DIAPH2: variants seen among roughly 807,000 people sequenced by gnomAD.
DIAPH2 encodes protein diaphanous homolog 2.
DIAPH2 carries 35 observed loss-of-function variants against 92.7 expected under a neutral mutation model. That is an observed-to-expected ratio of 0.38 (90% confidence interval 0.29 to 0.50). The LOEUF is 0.50. Among genes scored for constraint, DIAPH2 ranks in the 20% least tolerant of loss-of-function variants. The pLI is 0.94. For synonymous variants in DIAPH2, 301 were observed against 280.4 expected, an observed-to-expected ratio of 1.07 and a Z score of -0.73; for missense variants, 701 against 819.5, an observed-to-expected ratio of 0.86 and a Z score of 1.77.
chrX:97,568,115 CAAAAAAAAAA>C (rs59273565), intron 26 of DIAPH2, among the ~76,000 whole-genome samples: 15 of 30,100 alleles, frequency 5.0e-4, no homozygotes, highest in African/African-American at 2.3e-3. Context: ...GACTCCATCT[CAAAAAAAAAA>C]AAAAAAAAAA....
intron 23 of DIAPH2, among the ~76,000 whole-genome samples, chrX:97,304,270 A>G (rs755479608): frequency 1.9e-4 from 21 of 112,272 alleles, no homozygotes; most frequent in African/African-American, 6.1e-4. Flanking sequence ...AACACTGTCC[A>G]AGCATTGTCA....
intron 21 of DIAPH2, among the ~76,000 whole-genome samples, chrX:97,135,414 G>T (rs2067163787): frequency 9.0e-6 from 1 of 110,757 alleles, no homozygotes; most frequent in African/African-American, 3.3e-5. Context: ...CACCATGTTG[G>T]CCAGGCTGGT....
chrX:97,338,154 G>C (rs1297522776), intron 23 of DIAPH2, among the ~76,000 whole-genome samples: 2 of 110,918 alleles, frequency 1.8e-5, no homozygotes, highest in Non-Finnish European at 3.8e-5. Context: ...TTATAAGCGT[G>C]AGCCACCGTA....
At position 96,685,112 on chromosome X, in the gene DIAPH2, C is replaced by G; in HGVS notation, c.54C>G (p.Pro18=). ...GAGCGGGAGGCGGCAGCGAGGAACC[C>G]GGTGGGGGCCGGAGCAACAAGCGGA... ...ASGAGGGSEE[P]GGGRSNKRSA... is the part of the protein sequence containing the mutation. Residue 18 remains proline, a synonymous_variant, in exon 1 of 27, where the codon CCC becomes CCG. Transcript: ENST00000324765. 9.9e-7 allele frequency: 1 copy of G among 1,013,102 alleles called. No individual in the cohort carries two copies. The highest frequency in any genetic ancestry group is 1.3e-6 in the Non-Finnish European group (1 of 793,564). The allele number at this position is 1,013,102 out of a possible 1,213,427, so 83.5% of individuals were successfully genotyped here.
intron 17 of DIAPH2, among the ~76,000 whole-genome samples, chrX:97,024,318 G>A (rs1323366748): frequency 8.9e-6 from 1 of 112,284 alleles, no homozygotes; most frequent in Non-Finnish European, 1.9e-5. Context: ...GAGAAATTCT[G>A]TGAGATCCCT....
Position 96,836,335 on chromosome X carries a change from CT to C in DIAPH2, c.448-45243del, listed in dbSNP as rs201289650. Among the ~76,000 whole-genome samples, 265 of 109,331 alleles carry C rather than the reference CT, an allele frequency of 2.4e-3. 4 individuals carry two copies. The East Asian group carries it at 0.065, about 27-fold the overall frequency. 94.9% of individuals were successfully genotyped at this position (109,331 alleles called of 115,157 possible). ...TAATGATTTAGAGAACTTTTGTTAT[CT>C]AGAGTTTAAGGTACTCATAAAATGC... On this transcript the variant is annotated intron_variant, in intron 4 of 26. Coordinates refer to ENST00000324765, the MANE Select transcript of DIAPH2 (RefSeq NM_006729.5).
rs750238346 is a variant in DIAPH2, at chrX:97,495,343, G to T, written c.3241+65598G>T. Reference sequence around the variant, plus strand: ...GAACTTTCTATTTCACCATTTTGATGATATCAGCAAGCTATTATTTAAATG... The same window carrying T: ...GAACTTTCTATTTCACCATTTTGATTATATCAGCAAGCTATTATTTAAATG... On this transcript the variant is annotated intron_variant, in intron 26 of 26. Coordinates refer to ENST00000324765, the MANE Select transcript of DIAPH2 (RefSeq NM_006729.5). Among the ~76,000 whole-genome samples the T allele has an allele frequency of 8.0e-5, 9 of 112,126 alleles. No individual in the cohort carries two copies. In the South Asian group the frequency reaches 3.0e-3, roughly 37 times the overall value.
intron 25 of DIAPH2, among the ~76,000 whole-genome samples, chrX:97,390,136 G>A (rs981818887): frequency 1.0e-4 from 11 of 107,272 alleles, no homozygotes; most frequent in Admixed American, 5.1e-4. Flanking sequence ...CAGAGAGCAA[G>A]CTGACTTAAT....
chrX:96,964,686 G>A (rs940713583), intron 16 of DIAPH2, among the ~76,000 whole-genome samples: 14 of 111,596 alleles, frequency 1.3e-4, no homozygotes, highest in East Asian at 1.1e-3. Context: ...CGTAGGAGGC[G>A]TGTGTCAGCT....
rs773464811 is a variant in DIAPH2 at position 96,998,716 on chromosome X, G to A, written c.2050+33509G>A. On this transcript the variant is annotated intron_variant, in intron 17 of 26. Coordinates refer to ENST00000324765, the MANE Select transcript of DIAPH2 (RefSeq NM_006729.5). ...AACCAAAGACCCACTAGCAAATAGC[G>A]CTGGGTTAGAGAAGCAGGATTAGAG... Among the ~76,000 whole-genome samples the A allele has an allele frequency of 1.5e-4, 17 of 111,323 alleles. No homozygotes were observed. In the South Asian group the frequency reaches 1.9e-3, roughly 12 times the overall value.
chrX:96,793,725 C>G (rs1261171392), intron 4 of DIAPH2: 1 of 319,879 alleles, frequency 3.1e-6, no homozygotes, highest in Non-Finnish European at 6.0e-6. Context: ...TAATTACTTC[C>G]CAAAGATCCC....
At chrX:97,005,908 C>CTTTTTTTT (rs58056111) in intron 17 of DIAPH2, among the ~76,000 whole-genome samples, 1 of 68,161 alleles carries the variant, frequency 1.5e-5, no homozygotes, top group African/African-American at 5.9e-5. Context: ...TGAAGTTTTT[C>CTTTTTTTT]TTTTTTTTTT....
At chrX:97,307,396 T>C (rs142959896) in intron 23 of DIAPH2, among the ~76,000 whole-genome samples, 2,592 of 112,054 alleles carry the variant, frequency 0.023, 28 homozygotes, top group Middle Eastern at 0.042. Context: ...AACCCTTTCA[T>C]TTCTGTTATG....
At chrX:96,938,042 G>C (rs1315621911) in intron 11 of DIAPH2, among the ~76,000 whole-genome samples, 2 of 111,096 alleles carry the variant, frequency 1.8e-5, no homozygotes, top group Non-Finnish European at 3.8e-5. Flanking sequence ...CCTTTGAGTT[G>C]GATTTTTTCT....
chrX:97,595,698 T>C (rs2071546622), intron 26 of DIAPH2, among the ~76,000 whole-genome samples: 1 of 110,647 alleles, frequency 9.0e-6, no homozygotes, highest in African/African-American at 3.3e-5. Context: ...AATGGCACGA[T>C]CTCTGCTCAC....
In DIAPH2 at chrX:97,424,356, T is replaced by A. The variant is rs12557858; in HGVS notation, c.3146-5294T>A. ...AGGGATGAATACTGGTTCTTGGGAA[T>A]GTGGGTGGAAAAACATCTTAGATAT... On this transcript the variant is annotated intron_variant, in intron 25 of 26. Coordinates refer to ENST00000324765, the MANE Select transcript of DIAPH2 (RefSeq NM_006729.5). 4.8e-3 allele frequency among the ~76,000 whole-genome samples: 530 copies of A among 111,155 alleles called. 4 individuals are homozygous for A. The highest frequency in any genetic ancestry group is 0.036 in the Admixed American group (378 of 10,403).
At chrX:97,322,481 G>A (rs898017301) in intron 23 of DIAPH2, among the ~76,000 whole-genome samples, 1 of 111,537 alleles carries the variant, frequency 9.0e-6, no homozygotes, top group Non-Finnish European at 1.9e-5. Flanking sequence ...AAGGGCACTG[G>A]TGTATGTTTT....
chrX:96,854,200 A>G (rs942990297), intron 4 of DIAPH2, among the ~76,000 whole-genome samples: 2 of 110,743 alleles, frequency 1.8e-5, no homozygotes, highest in Admixed American at 9.7e-5. Context: ...AATTTTAATA[A>G]CGTTGTACAA....
At chrX:97,526,781 ACTTC>A (rs1055172422) in intron 26 of DIAPH2, among the ~76,000 whole-genome samples, 35 of 111,465 alleles carry the variant, frequency 3.1e-4, no homozygotes, top group Non-Finnish European at 5.8e-4. Flanking sequence ...GAACATGTCC[ACTTC>A]CTTCCACCTT....
Sources: allele counts gnomAD v4.1 joint callset (sites outside exome capture counted in the v4.1 genomes callset), GRCh38; gene constraint gnomAD v4.1.1; transcripts MANE v1.5; gene names NCBI Gene and HGNC (gene_info 2026-07-23, HGNC 2026-07-21).